Variants in COL4A2 observed in about 807,000 individuals in gnomAD.
COL4A2 encodes collagen alpha-2(IV) chain.
In COL4A2, 99 loss-of-function variants were observed where a neutral mutation model predicts 200.2. That is an observed-to-expected ratio of 0.49 (90% CI 0.42 to 0.58). COL4A2 has a LOEUF of 0.58. Among genes scored for constraint, COL4A2 ranks in the 20% least tolerant of loss-of-function variants. The pLI, the probability that COL4A2 is intolerant of heterozygous loss-of-function variation, is 0.00. For synonymous variants in COL4A2, 897 were observed against 900.6 expected (o/e 1.00, Z 0.07); for missense variants, 1,950 against 2,314.1 (o/e 0.84, Z 3.23).
chr13:110,353,057 T>C (rs1357671838), intron 3 of COL4A2, among the ~76,000 whole-genome samples: 1 of 152,202 alleles, frequency 6.6e-6, no homozygotes, highest in Non-Finnish European at 1.5e-5. Context: ...GTTGCTGCCT[T>C]GGAAATTCAG....
At chr13:110,353,510 C>T (rs565143908) in intron 3 of COL4A2, among the ~76,000 whole-genome samples, 13 of 152,184 alleles carry the variant, frequency 8.5e-5, no homozygotes, top group Non-Finnish European at 1.5e-4. Context: ...CCTCACACTC[C>T]TCCTCTGAGG....
chr13:110,411,554 C>T (rs984404090), intron 4 of COL4A2, among the ~76,000 whole-genome samples: 3 of 152,106 alleles, frequency 2.0e-5, no homozygotes, highest in Non-Finnish European at 2.9e-5. Context: ...ATTAATGAGC[C>T]GTGAAATGGC....
intron 3 of COL4A2, among the ~76,000 whole-genome samples, chr13:110,351,215 T>A (rs7326657): frequency 0.26 from 30,991 of 120,330 alleles, 3,381 homozygotes; most frequent in South Asian, 0.47. Flanking sequence ...CACCCAGCTA[T>A]TCTTTTTGTT....
intron 4 of COL4A2, among the ~76,000 whole-genome samples, chr13:110,409,422 C>T (rs1879744380): frequency 1.3e-5 from 2 of 152,250 alleles, no homozygotes; most frequent in Admixed American, 6.5e-5. Context: ...CTCCTTGTTC[C>T]TAATGAACCG....
intron 20 of COL4A2, among the ~76,000 whole-genome samples, chr13:110,455,713 A>G (rs1881705832): frequency 6.6e-6 from 1 of 152,230 alleles, no homozygotes; most frequent in Non-Finnish European, 1.5e-5. Flanking sequence ...TGAGCAAACT[A>G]CATGGGACGG....
chr13:110,471,772 A>C (rs1433803443), intron 28 of COL4A2, among the ~76,000 whole-genome samples: 2 of 152,122 alleles, frequency 1.3e-5, no homozygotes, highest in Non-Finnish European at 2.9e-5. Flanking sequence ...GGTGGGATAC[A>C]CCCCACAGAA....
intron 4 of COL4A2, among the ~76,000 whole-genome samples, chr13:110,392,345 G>C (rs1324728057): frequency 6.6e-6 from 1 of 152,198 alleles, no homozygotes; most frequent in African/African-American, 2.4e-5. Context: ...GTAAATGGAG[G>C]AGGACTGGGT....
chr13:110,377,201 A>C (rs1878273584), intron 4 of COL4A2, among the ~76,000 whole-genome samples: 1 of 152,116 alleles, frequency 6.6e-6, no homozygotes, highest in South Asian at 2.1e-4. Context: ...TGGTCACCAG[A>C]GTGCATTGTC....
chr13:110,396,504 T>A (rs1289245949), intron 4 of COL4A2, among the ~76,000 whole-genome samples: 1 of 152,224 alleles, frequency 6.6e-6, no homozygotes, highest in Admixed American at 6.5e-5. Context: ...GATTGTTTTA[T>A]GCTCAAGAAA....
chr13:110,373,392 C>T (rs1878100032), intron 4 of COL4A2, among the ~76,000 whole-genome samples: 1 of 152,188 alleles, frequency 6.6e-6, no homozygotes, highest in South Asian at 2.1e-4. Context: ...CAGAGGGCAT[C>T]TATGGTAGAG....
intron 3 of COL4A2, among the ~76,000 whole-genome samples, chr13:110,332,429 A>G (rs1255971003): frequency 6.6e-6 from 1 of 152,216 alleles, no homozygotes; most frequent in Non-Finnish European, 1.5e-5. Context: ...TGCAAGAGGG[A>G]TGTAAACCAG....
chr13:110,495,282 G>C (rs1335258164), intron 39 of COL4A2, 60 bp from the exon 40 acceptor site: 1 of 1,610,248 alleles, frequency 6.2e-7, no homozygotes, highest in Non-Finnish European at 8.5e-7. Context: ...CTTTCACTTA[G>C]GAAAGTCAAC....
In COL4A2 at chr13:110,476,393, G is replaced by A. The variant is rs551193617; in HGVS notation, c.2426-1610G>A. ...GGAGGAGGTGAGAACCGATGCATCC[G>A]TGCATCTTAGAGAATCTCATTTCAG... is the stretch of plus-strand genomic sequence containing the variant. On this transcript the variant is annotated intron_variant, in intron 29 of 47. Coordinates refer to ENST00000360467, the MANE Select transcript of COL4A2 (RefSeq NM_001846.4). Among the ~76,000 whole-genome samples, 7 of 152,324 alleles carry A rather than the reference G, an allele frequency of 4.6e-5. No individual in the cohort carries two copies. The East Asian group carries it at 9.6e-4, about 21-fold the overall frequency.
chr13:110,368,402 C>T lies in COL4A2; in HGVS notation c.180+10850C>T, dbSNP rs182169980. ...AAATAAGGTTTTACTTAGAGACTTT[C>T]AGTCCCACTTAAAACTTCAAAGCAA... On this transcript the variant is annotated intron_variant, in intron 4 of 47. Coordinates refer to ENST00000360467, the MANE Select transcript of COL4A2 (RefSeq NM_001846.4). Among the ~76,000 whole-genome samples the T allele has an allele frequency of 2.8e-4, 42 of 152,358 alleles. 1 individual carries two copies. The highest frequency in any genetic ancestry group is 1.0e-3 in the African/African-American group (42 of 41,584).
chr13:110,439,229 A>C (rs1159345936), intron 15 of COL4A2, among the ~76,000 whole-genome samples: 1 of 152,204 alleles, frequency 6.6e-6, no homozygotes, highest in Non-Finnish European at 1.5e-5. Flanking sequence ...CCCTGGGCCC[A>C]GGAAGAGAAA....
intron 39 of COL4A2, 142 bp downstream of exon 39, chr13:110,493,424 G>A (rs531588117): frequency 2.4e-5 from 19 of 802,804 alleles, no homozygotes; most frequent in Admixed American, 1.0e-4. Context: ...GCGATCGGCC[G>A]TGAGGGGCGG....
rs575623275 is a variant in COL4A2 at position 110,345,675 on chromosome 13, A to G, written c.100-11797A>G. Among the ~76,000 whole-genome samples, 3 of 152,330 alleles carry G rather than the reference A, an allele frequency of 2.0e-5. No homozygotes were observed. The East Asian group carries it at 5.8e-4, about 29-fold the overall frequency. On this transcript the variant is annotated intron_variant, in intron 3 of 47. Transcript: ENST00000360467. ...CACCTAGCTAAGTACCGACCTAGAC[A>G]GCCATTAGTGATTTACAAAAACATG...
At chr13:110,375,552 C>T (rs886156699) in intron 4 of COL4A2, among the ~76,000 whole-genome samples, 11 of 152,218 alleles carry the variant, frequency 7.2e-5, no homozygotes, top group Admixed American at 3.3e-4. Context: ...TTGACAGAGC[C>T]GGTGCAGTGT....
Position 110,469,331 on chromosome 13 carries a change from T to A in COL4A2, c.2203+7T>A. 1 of 1,569,252 alleles carries A rather than the reference T, an allele frequency of 6.4e-7. No homozygotes were observed. The highest frequency in any genetic ancestry group is 8.6e-7 in the Non-Finnish European group (1 of 1,156,738). On this transcript the variant is annotated splice_region_variant and intron_variant, in intron 28 of 47. Transcript: ENST00000360467. ...GGGTTCCCAGGACCCCCAGGTGAGT[T>A]GAGATCAGACCCCCATTCAGCCCCT... is the stretch of plus-strand genomic sequence containing the variant.
Sources: allele counts gnomAD v4.1 joint callset (sites outside exome capture counted in the v4.1 genomes callset), GRCh38; gene constraint gnomAD v4.1.1; transcripts MANE v1.5; gene names NCBI Gene and HGNC (gene_info 2026-07-23, HGNC 2026-07-21).